The following NSMCE2 variants were observed in gnomAD, a reference collection of about 807,000 sequenced individuals.
The protein encoded by NSMCE2 is E3 SUMO-protein ligase NSE2.
NSMCE2 carries 24 observed loss-of-function variants against 23.8 expected under a neutral mutation model. That is an observed-to-expected ratio of 1.01 (90% CI 0.73 to 1.42). The LOEUF is 1.42. NSMCE2 is among the 40% of genes most tolerant of loss of function. The pLI, the probability that NSMCE2 is intolerant of heterozygous loss-of-function variation, is 0.00. For synonymous variants in NSMCE2, 92 were observed against 94.1 expected, an observed-to-expected ratio of 0.98 and a Z score of 0.13; for missense variants, 284 against 296.5, an observed-to-expected ratio of 0.96 and a Z score of 0.31.
intron 4 of NSMCE2, among the ~76,000 whole-genome samples, chr8:125,171,530 G>A (rs535080719): frequency 6.6e-5 from 10 of 152,224 alleles, no homozygotes; most frequent in African/African-American, 2.4e-4. Context: ...GTTTGGGGGA[G>A]GGTTAAATAA....
intron 7 of NSMCE2, among the ~76,000 whole-genome samples, chr8:125,360,521 G>T (rs1412329040): frequency 6.6e-6 from 1 of 152,150 alleles, no homozygotes; most frequent in Non-Finnish European, 1.5e-5. Flanking sequence ...ACCAATGAGA[G>T]GATCAATCAG....
intron 5 of NSMCE2, among the ~76,000 whole-genome samples, chr8:125,340,605 C>T (rs1563794759): frequency 6.6e-6 from 1 of 152,066 alleles, no homozygotes; most frequent in Non-Finnish European, 1.5e-5. Context: ...GCTTTTTTGT[C>T]ATTAGCTATT....
chr8:125,217,047 C>T (rs574096772), intron 5 of NSMCE2, among the ~76,000 whole-genome samples: 1 of 152,260 alleles, frequency 6.6e-6, no homozygotes, highest in African/African-American at 2.4e-5. Flanking sequence ...TTATTAAGCA[C>T]CTATACTATA....
intron 3 of NSMCE2, among the ~76,000 whole-genome samples, chr8:125,120,829 C>T (rs949974231): frequency 2.0e-5 from 3 of 152,172 alleles, no homozygotes; most frequent in South Asian, 2.1e-4. Context: ...GTGACCAAGT[C>T]GCAAGAGGCG....
chr8:125,298,655 T>G (rs1828424059), intron 5 of NSMCE2, among the ~76,000 whole-genome samples: 1 of 152,024 alleles, frequency 6.6e-6, no homozygotes, highest in South Asian at 2.1e-4. Flanking sequence ...CAGTGGTTCT[T>G]AACAGGGATT....
At chr8:125,223,290 A>C (rs1824950855) in intron 5 of NSMCE2, among the ~76,000 whole-genome samples, 1 of 150,732 alleles carries the variant, frequency 6.6e-6, no homozygotes, top group African/African-American at 2.4e-5. Context: ...CCCCAGAAGC[A>C]GAGGTTGCTA....
chr8:125,148,686 G>C (rs1377902932), intron 3 of NSMCE2, among the ~76,000 whole-genome samples: 1 of 152,050 alleles, frequency 6.6e-6, no homozygotes, highest in East Asian at 1.9e-4. Context: ...TCCAGTATCA[G>C]AATCTAATAC....
At chr8:125,338,848 A>C (rs1277735428) in intron 5 of NSMCE2, among the ~76,000 whole-genome samples, 1 of 152,224 alleles carries the variant, frequency 6.6e-6, no homozygotes, top group Non-Finnish European at 1.5e-5. Flanking sequence ...CAAGGACCGA[A>C]TTAGGCTATC....
intron 5 of NSMCE2, among the ~76,000 whole-genome samples, chr8:125,260,938 C>G (rs1294293758): frequency 6.6e-6 from 1 of 151,928 alleles, no homozygotes; most frequent in Non-Finnish European, 1.5e-5. Context: ...TTCTTAATTT[C>G]AGATATACCC....
chr8:125,224,563 T>C (rs1825010339), intron 5 of NSMCE2, among the ~76,000 whole-genome samples: 1 of 152,244 alleles, frequency 6.6e-6, no homozygotes, highest in East Asian at 1.9e-4. Flanking sequence ...AGAGATGTTC[T>C]TTCCCCATTG....
At chr8:125,172,896 G>A (rs1165060571) in intron 4 of NSMCE2, among the ~76,000 whole-genome samples, 2 of 152,084 alleles carry the variant, frequency 1.3e-5, no homozygotes, top group African/African-American at 2.4e-5. Flanking sequence ...TCTGACTGAC[G>A]TTTATCTGAC....
At chr8:125,351,596 T>C (rs981110147) in intron 5 of NSMCE2, among the ~76,000 whole-genome samples, 5 of 152,222 alleles carry the variant, frequency 3.3e-5, no homozygotes, top group Non-Finnish European at 7.3e-5. Context: ...CTAGTTTGCT[T>C]GTTTTTCTAC....
chr8:125,267,182 A>G (rs1341844011), intron 5 of NSMCE2, among the ~76,000 whole-genome samples: 1 of 151,530 alleles, frequency 6.6e-6, no homozygotes, highest in African/African-American at 2.4e-5. Flanking sequence ...TAATTTTTGT[A>G]TTTTTAGTAG....
intron 5 of NSMCE2, among the ~76,000 whole-genome samples, chr8:125,302,794 T>G (rs775644415): frequency 3.3e-5 from 5 of 152,160 alleles, no homozygotes; most frequent in Non-Finnish European, 7.4e-5. Context: ...GACATGTGTT[T>G]GCCATCACAT....
intron 5 of NSMCE2, among the ~76,000 whole-genome samples, chr8:125,253,066 A>G (rs1007415335): frequency 2.0e-5 from 3 of 152,246 alleles, no homozygotes; most frequent in African/African-American, 7.2e-5. Context: ...CTCTCAGTCA[A>G]TGATAGGCAT....
At chr8:125,340,658 A>G (rs1158845946) in intron 5 of NSMCE2, among the ~76,000 whole-genome samples, 1 of 152,208 alleles carries the variant, frequency 6.6e-6, no homozygotes, top group Non-Finnish European at 1.5e-5. Flanking sequence ...ATAAAATTAG[A>G]TACAAGAGGC....
intron 5 of NSMCE2, among the ~76,000 whole-genome samples, chr8:125,266,249 G>A (rs1404741043): frequency 5.3e-5 from 8 of 152,090 alleles, no homozygotes; most frequent in Admixed American, 3.3e-4. Context: ...GTGCCACCAC[G>A]CCCGGCTAAT....
chr8:125,284,919 A>G (rs776271732), intron 5 of NSMCE2, among the ~76,000 whole-genome samples: 2 of 152,206 alleles, frequency 1.3e-5, no homozygotes, highest in Non-Finnish European at 2.9e-5. Context: ...CAGAGATAAC[A>G]CCTGTGTAAT....
At chr8:125,110,292 A>C (rs1367854020) in intron 3 of NSMCE2, among the ~76,000 whole-genome samples, 1 of 152,236 alleles carries the variant, frequency 6.6e-6, no homozygotes, top group South Asian at 2.1e-4. Context: ...AATATTTGAT[A>C]GCAACATTTA....
Sources: gnomAD v4.1 joint callset for allele counts (sites outside exome capture counted in the v4.1 genomes callset) on GRCh38, gnomAD v4.1.1 for gene constraint, MANE v1.5 for transcripts, NCBI Gene and HGNC (gene_info 2026-07-23, HGNC 2026-07-21) for gene names.